The following DIS3L variants were observed in gnomAD, a reference collection of about 807,000 sequenced individuals.
The protein encoded by DIS3L is DIS3-like exonuclease 1.
In DIS3L, 100 loss-of-function variants were observed where a neutral mutation model predicts 120.3. The ratio of observed to expected loss-of-function variants is 0.83; its 90% CI spans 0.71 to 0.98. The LOEUF is 0.98. Ranked by LOEUF, DIS3L falls within the 50% of genes least tolerant of loss-of-function variation. The pLI is 0.00. For missense variants in DIS3L, 1,196 were observed against 1,314.2 expected, an observed-to-expected ratio of 0.91 and a Z score of 1.39; for synonymous variants, 426 against 470.6, an observed-to-expected ratio of 0.91 and a Z score of 1.23.
In DIS3L at chr15:66,318,516, G is replaced by A. The variant is rs774217832; in HGVS notation, c.1062G>A (p.Glu354=). ...DYVVTFPSKE[E]VQSQGKNAQK... ...TGGTGACATTTCCGTCCAAAGAAGA[G>A]GTCCAATCTCAGGGCAAAAATGCTC... is the stretch of plus-strand genomic sequence containing the variant. The change falls in exon 8 of 17, where the codon GAG becomes GAA. Residue 354 remains glutamate, a synonymous_variant. Coordinates refer to ENST00000319212, the MANE Select transcript of DIS3L (RefSeq NM_001143688.3). 2.5e-6 allele frequency: 4 copies of A among 1,613,980 alleles called. No homozygotes were observed. Among genetic ancestry groups the A allele is most frequent in the Non-Finnish European group, 3.4e-6 (4 of 1,180,014 alleles).
At chr15:66,298,741 TGAG>T (rs2092616573) in intron 2 of DIS3L, among the ~76,000 whole-genome samples, 2 of 152,240 alleles carry the variant, frequency 1.3e-5, no homozygotes, top group Admixed American at 1.3e-4. Context: ...GCTTATTTAA[TGAG>T]GAGTCCCCCT....
At chr15:66,300,016 A>G (rs2092630707) in intron 2 of DIS3L, among the ~76,000 whole-genome samples, 1 of 152,190 alleles carries the variant, frequency 6.6e-6, no homozygotes, top group Non-Finnish European at 1.5e-5. Flanking sequence ...GCTCCACTGC[A>G]CTCCAGCCTG....
intron 2 of DIS3L, among the ~76,000 whole-genome samples, chr15:66,297,527 C>T (rs2092601289): frequency 6.6e-6 from 1 of 152,160 alleles, no homozygotes; most frequent in African/African-American, 2.4e-5. Flanking sequence ...AGCTAATTAG[C>T]ATATGCATTA....
At chr15:66,295,757 A>G (rs1342696354) in intron 2 of DIS3L, among the ~76,000 whole-genome samples, 3 of 152,248 alleles carry the variant, frequency 2.0e-5, no homozygotes, top group African/African-American at 7.2e-5. Flanking sequence ...AATACTTTGA[A>G]AAACGATTTT....
At chr15:66,301,741 G>A (rs1386332777) in intron 2 of DIS3L, among the ~76,000 whole-genome samples, 2 of 152,178 alleles carry the variant, frequency 1.3e-5, no homozygotes, top group Non-Finnish European at 2.9e-5. Flanking sequence ...TATATCATAT[G>A]TATGCGCTAT....
intron 2 of DIS3L, 49 bp downstream of exon 2, chr15:66,295,190 C>G: frequency 6.4e-7 from 1 of 1,551,972 alleles, no homozygotes; most frequent in Non-Finnish European, 8.8e-7. Flanking sequence ...TTCCCCCCAC[C>G]TTAGAAAAGG....
At chr15:66,301,943 C>T (rs1358132532) in intron 2 of DIS3L, among the ~76,000 whole-genome samples, 1 of 152,120 alleles carries the variant, frequency 6.6e-6, no homozygotes, top group Non-Finnish European at 1.5e-5. Context: ...GGGAGTGAAA[C>T]TTAAAATTGA....
chr15:66,319,099 TG>T (rs2092852888), intron 8 of DIS3L, among the ~76,000 whole-genome samples: 1 of 152,160 alleles, frequency 6.6e-6, no homozygotes, highest in Non-Finnish European at 1.5e-5. Flanking sequence ...CGTGTTTTTA[TG>T]TTTTTTAATT....
chr15:66,309,094 A>AAAAATATATATATATATATATAT, intron 4 of DIS3L, among the ~76,000 whole-genome samples: 1 of 15,312 alleles, frequency 6.5e-5, no homozygotes, highest in Non-Finnish European at 1.2e-4. Context: ...AAAAAAAAAA[A>AAAAATATATATATATATATATAT]ATATATATAT....
At chr15:66,327,668 C>T (rs977070314) in intron 12 of DIS3L, among the ~76,000 whole-genome samples, 6 of 152,012 alleles carry the variant, frequency 3.9e-5, no homozygotes, top group East Asian at 1.9e-4. Context: ...GGCATGAACC[C>T]GGGAGGCGGA....
chr15:66,307,145 T>A (rs929916290), intron 3 of DIS3L, among the ~76,000 whole-genome samples, 193 bp downstream of exon 3: 1 of 152,216 alleles, frequency 6.6e-6, no homozygotes, highest in African/African-American at 2.4e-5. Flanking sequence ...ATACATTTTT[T>A]AAAAATTGCA....
chr15:66,309,082 A>AG (rs2092730578), intron 4 of DIS3L, among the ~76,000 whole-genome samples: 1 of 3,596 alleles, frequency 2.8e-4, no homozygotes, highest in Non-Finnish European at 1.1e-3. Context: ...GTCTCTACAG[A>AG]AAAAAAAAAA....
intron 5 of DIS3L, 131 bp from the exon 6 acceptor site, chr15:66,313,908 C>T: frequency 1.8e-6 from 1 of 554,728 alleles, no homozygotes; most frequent in South Asian, 2.2e-5. Flanking sequence ...TATATAGTTC[C>T]TAAAGGGATC....
intron 9 of DIS3L, among the ~76,000 whole-genome samples, chr15:66,321,838 T>C (rs1045280283): frequency 6.6e-6 from 1 of 152,138 alleles, no homozygotes; most frequent in Admixed American, 6.6e-5. Flanking sequence ...ATCATTCTCT[T>C]GGAATGTAAT....
chr15:66,315,021 C>T lies in DIS3L; in HGVS notation c.815-15C>T, dbSNP rs770296307. The T allele has an allele frequency of 8.7e-6, 14 of 1,611,158 alleles. No individual in the cohort carries two copies. In the African/African-American group the frequency reaches 1.7e-4, roughly 20 times the overall value. On this transcript the variant is annotated splice_polypyrimidine_tract_variant and intron_variant, in intron 6 of 16. Coordinates refer to ENST00000319212, the MANE Select transcript of DIS3L (RefSeq NM_001143688.3). ...CTTGGCTTTATGGGTTTTTTCTGTG[C>T]TGCCCCAAACACAGATTTAGTCAGT...
intron 1 of DIS3L, 25 bp downstream of exon 1, chr15:66,293,760 A>ACGGGGC: frequency 8.5e-7 from 1 of 1,177,674 alleles, no homozygotes; most frequent in Non-Finnish European, 1.0e-6. Context: ...GGGGGCGGGG[A>ACGGGGC]CGGGGCCGGC....
chr15:66,321,808 C>T (rs972356865), intron 9 of DIS3L, among the ~76,000 whole-genome samples: 12 of 151,598 alleles, frequency 7.9e-5, no homozygotes, highest in African/African-American at 2.7e-4. Context: ...TTATAAACAC[C>T]GCTTTTTAAT....
chr15:66,296,900 G>A (rs1354553266), intron 2 of DIS3L, among the ~76,000 whole-genome samples: 1 of 152,214 alleles, frequency 6.6e-6, no homozygotes, highest in African/African-American at 2.4e-5. Flanking sequence ...CAGTTATTAT[G>A]AAGCGCCTTA....
intron 2 of DIS3L, among the ~76,000 whole-genome samples, chr15:66,296,562 G>A (rs560042191): frequency 1.3e-5 from 2 of 150,048 alleles, no homozygotes; most frequent in Admixed American, 1.3e-4. Context: ...TGTCGCCCAG[G>A]CTAGAGTACA....
Sources: gnomAD v4.1 joint callset for allele counts (sites outside exome capture counted in the v4.1 genomes callset) on GRCh38, gnomAD v4.1.1 for gene constraint, MANE v1.5 for transcripts, NCBI Gene and HGNC (gene_info 2026-07-23, HGNC 2026-07-21) for gene names.